The following HMBOX1 variants were observed in gnomAD, a reference collection of about 807,000 sequenced individuals.
HMBOX1 encodes homeobox-containing protein 1.
In HMBOX1, 14 loss-of-function variants were observed where a neutral mutation model predicts 54.5. That is an observed-to-expected ratio of 0.26 (90% CI 0.17 to 0.40). HMBOX1 has a LOEUF of 0.40. HMBOX1 is among the 10% of genes least tolerant of loss of function. The pLI, the probability that HMBOX1 is intolerant of heterozygous loss-of-function variation, is 1.00. For synonymous variants in HMBOX1, 160 were observed against 181.0 expected, an observed-to-expected ratio of 0.88 and a Z score of 0.93; for missense variants, 332 against 514.4, an observed-to-expected ratio of 0.65 and a Z score of 3.43.
At chr8:28,900,267 A>ATATATATATATATATATATATATAT (rs1243910972) in intron 1 of HMBOX1, among the ~76,000 whole-genome samples, 1 of 54,508 alleles carries the variant, frequency 1.8e-5, no homozygotes, top group Non-Finnish European at 4.3e-5. Context: ...AAAAAAAAAA[A>ATATATATATATATATATATATATAT]AAAAATATAT....
At chr8:28,930,586 A>T (rs1819318006) in intron 1 of HMBOX1, among the ~76,000 whole-genome samples, 1 of 152,094 alleles carries the variant, frequency 6.6e-6, no homozygotes, top group Non-Finnish European at 1.5e-5. Context: ...TTTTTCCCTC[A>T]CTGTTACCTT....
At chr8:28,972,695 C>G (rs1205792214) in intron 3 of HMBOX1, among the ~76,000 whole-genome samples, 3 of 152,084 alleles carry the variant, frequency 2.0e-5, no homozygotes, top group African/African-American at 7.2e-5. Flanking sequence ...ATAAGACTAA[C>G]AAGAAGTATG....
At chr8:29,041,213 G>GA (rs1455915080) in intron 6 of HMBOX1, among the ~76,000 whole-genome samples, 18 of 152,248 alleles carry the variant, frequency 1.2e-4, no homozygotes, top group African/African-American at 4.1e-4. Flanking sequence ...AAGAAAAAGT[G>GA]AAAATCATTC....
chr8:28,993,160 A>G, intron 4 of HMBOX1, among the ~76,000 whole-genome samples: 1 of 152,090 alleles, frequency 6.6e-6, no homozygotes, highest in East Asian at 1.9e-4. Context: ...TCAACTATTA[A>G]TAGCAGTTAA....
At chr8:29,014,843 C>A (rs918784297) in intron 5 of HMBOX1, among the ~76,000 whole-genome samples, 1 of 152,056 alleles carries the variant, frequency 6.6e-6, no homozygotes, top group Non-Finnish European at 1.5e-5. Context: ...CCACACCCAG[C>A]AAATTTTTGT....
At chr8:28,976,782 C>G (rs1402287601) in intron 3 of HMBOX1, among the ~76,000 whole-genome samples, 1 of 150,492 alleles carries the variant, frequency 6.6e-6, no homozygotes, top group Non-Finnish European at 1.5e-5. Context: ...TTTCGGCTCA[C>G]TGCAACCTCC....
chr8:29,044,842 AG>A (rs2133354112), intron 6 of HMBOX1, among the ~76,000 whole-genome samples: 1 of 152,340 alleles, frequency 6.6e-6, no homozygotes, highest in South Asian at 2.1e-4. Flanking sequence ...ATATAAGTAT[AG>A]ATATCCCATA....
intron 1 of HMBOX1, among the ~76,000 whole-genome samples, chr8:28,898,556 A>G (rs1812607908): frequency 6.6e-6 from 1 of 152,184 alleles, no homozygotes; most frequent in South Asian, 2.1e-4. Flanking sequence ...GAATCTGAGA[A>G]GCTAGTCTCT....
At chr8:28,961,580 A>C (rs1213783565) in intron 1 of HMBOX1, among the ~76,000 whole-genome samples, 1 of 152,166 alleles carries the variant, frequency 6.6e-6, no homozygotes, top group Non-Finnish European at 1.5e-5. Flanking sequence ...TATATATATC[A>C]CATTTCATTT....
chr8:28,903,592 G>A (rs573203346), intron 1 of HMBOX1, among the ~76,000 whole-genome samples: 1 of 152,168 alleles, frequency 6.6e-6, no homozygotes, highest in African/African-American at 2.4e-5. Flanking sequence ...TATGGATGAG[G>A]TGGGACTATC....
chr8:28,974,574 TTA>T (rs1290359637), intron 3 of HMBOX1, among the ~76,000 whole-genome samples: 1 of 152,194 alleles, frequency 6.6e-6, no homozygotes, highest in Admixed American at 6.5e-5. Context: ...TCTAAGTTGA[TTA>T]TCTATAGGCT....
chr8:28,982,968 G>C (rs1330829872), intron 4 of HMBOX1, among the ~76,000 whole-genome samples: 1 of 152,026 alleles, frequency 6.6e-6, no homozygotes, highest in East Asian at 1.9e-4. Flanking sequence ...ATGTTGCTCA[G>C]GCTGGTCTTG....
chr8:28,989,481 C>T (rs927281558), intron 4 of HMBOX1, among the ~76,000 whole-genome samples: 22 of 152,056 alleles, frequency 1.4e-4, no homozygotes, highest in African/African-American at 5.3e-4. Flanking sequence ...TAGCCTTTCC[C>T]CGTTTGATTA....
At chr8:28,973,135 G>C (rs1827712783) in intron 3 of HMBOX1, among the ~76,000 whole-genome samples, 1 of 151,922 alleles carries the variant, frequency 6.6e-6, no homozygotes, top group Admixed American at 6.6e-5. Flanking sequence ...ACGATTCTCA[G>C]GTTGTAGATA....
chr8:28,950,630 G>T lies in HMBOX1; in HGVS notation c.-57-13181G>T, dbSNP rs1823246378. On this transcript the variant is annotated intron_variant, in intron 1 of 9. Coordinates refer to ENST00000287701, the MANE Select transcript of HMBOX1 (RefSeq NM_001135726.3). Reference sequence around the variant, plus strand: ...ACTCTGAAACAGTGAAGCCACAGGGGAAGTGACATTTAAACTGACTATGCT... The same window carrying T: ...ACTCTGAAACAGTGAAGCCACAGGGTAAGTGACATTTAAACTGACTATGCT... Among the ~76,000 whole-genome samples the T allele has an allele frequency of 2.0e-5, 3 of 152,300 alleles. No homozygotes were observed. In the South Asian group the frequency reaches 6.2e-4, roughly 32 times the overall value.
intron 4 of HMBOX1, among the ~76,000 whole-genome samples, chr8:28,989,098 C>A (rs1412614296): frequency 6.6e-6 from 1 of 151,946 alleles, no homozygotes. Flanking sequence ...CATGGTGAAA[C>A]CCCATCTCTA....
chr8:28,993,655 TA>T (rs915493096), intron 4 of HMBOX1, among the ~76,000 whole-genome samples: 7 of 151,606 alleles, frequency 4.6e-5, no homozygotes, highest in Admixed American at 4.6e-4. Flanking sequence ...AGTTCTGTAT[TA>T]AAAAAAAATT....
At chr8:28,941,454 T>A (rs940311345) in intron 1 of HMBOX1, among the ~76,000 whole-genome samples, 3 of 152,248 alleles carry the variant, frequency 2.0e-5, no homozygotes, top group Non-Finnish European at 4.4e-5. Context: ...TTTACTTTTT[T>A]ATTTTTCTAA....
chr8:28,940,177 T>C (rs1821120955), intron 1 of HMBOX1, among the ~76,000 whole-genome samples: 1 of 152,142 alleles, frequency 6.6e-6, no homozygotes, highest in Non-Finnish European at 1.5e-5. Context: ...CTGGTTAATT[T>C]TGTATTTTTA....
Sources: gnomAD v4.1 joint callset for allele counts (sites outside exome capture counted in the v4.1 genomes callset) on GRCh38, gnomAD v4.1.1 for gene constraint, MANE v1.5 for transcripts, NCBI Gene and HGNC (gene_info 2026-07-23, HGNC 2026-07-21) for gene names.